The following COG5 variants were observed in gnomAD, a reference collection of about 807,000 sequenced individuals.
The protein encoded by COG5 is component of oligomeric golgi complex 5.
COG5 carries 86 observed loss-of-function variants against 110.4 expected under a neutral mutation model. The observed-to-expected ratio is 0.78, with a 90% CI of 0.65 to 0.93. COG5 has a LOEUF of 0.93. COG5 is among the 40% of genes least tolerant of loss of function. The pLI is 0.00. For missense variants in COG5, 1,077 were observed against 987.0 expected (o/e 1.09, Z -1.22); for synonymous variants, 360 against 334.6 (o/e 1.08, Z -0.83).
chr7:107,464,852 T>C (rs568262621), intron 6 of COG5, among the ~76,000 whole-genome samples: 35 of 152,288 alleles, frequency 2.3e-4, no homozygotes, highest in Non-Finnish European at 4.1e-4. Flanking sequence ...ACGGGTTTTT[T>C]CACAGCTGAA....
At chr7:107,552,243 C>T (rs797006752) in intron 3 of COG5, among the ~76,000 whole-genome samples, 14 of 152,268 alleles carry the variant, frequency 9.2e-5, no homozygotes, top group African/African-American at 3.4e-4. Flanking sequence ...TAAAATATTA[C>T]ATGCTCTCAA....
At chr7:107,485,133 G>C (rs1456350153) in intron 6 of COG5, among the ~76,000 whole-genome samples, 2 of 152,172 alleles carry the variant, frequency 1.3e-5, no homozygotes. Context: ...CAGAGAAATG[G>C]TTAAGTGCAG....
intron 17 of COG5, among the ~76,000 whole-genome samples, chr7:107,241,089 T>C (rs1041432576): frequency 6.6e-6 from 1 of 152,228 alleles, no homozygotes; most frequent in African/African-American, 2.4e-5. Context: ...AACACATCTA[T>C]TTGGGAACTA....
chr7:107,281,053 G>A (rs1011499661), intron 14 of COG5, among the ~76,000 whole-genome samples: 3 of 151,772 alleles, frequency 2.0e-5, no homozygotes, highest in South Asian at 2.1e-4. Flanking sequence ...TGGCACATGC[G>A]TTAAAAAAGG....
At chr7:107,486,248 G>A (rs1488731644) in intron 6 of COG5, among the ~76,000 whole-genome samples, 2 of 151,218 alleles carry the variant, frequency 1.3e-5, no homozygotes, top group South Asian at 2.1e-4. Flanking sequence ...CATAGTTTAC[G>A]CCCTCAATAT....
intron 10 of COG5, among the ~76,000 whole-genome samples, chr7:107,338,392 G>T (rs1003724598): frequency 6.6e-6 from 1 of 152,000 alleles, no homozygotes; most frequent in Non-Finnish European, 1.5e-5. Flanking sequence ...GCTACAAAAT[G>T]GGGAAAGAAT....
chr7:107,441,325 A>G (rs1794696563), intron 6 of COG5, among the ~76,000 whole-genome samples: 1 of 151,802 alleles, frequency 6.6e-6, no homozygotes, highest in Admixed American at 6.6e-5. Context: ...CTTAATCTAC[A>G]GCAGGTAGAT....
At chr7:107,353,651 A>G (rs1306530805) in intron 10 of COG5, among the ~76,000 whole-genome samples, 2 of 152,184 alleles carry the variant, frequency 1.3e-5, no homozygotes, top group Non-Finnish European at 2.9e-5. Context: ...CATTTAAACT[A>G]AAATACCACT....
intron 21 of COG5, chr7:107,208,241 G>A (rs998551372): frequency 1.7e-5 from 17 of 985,304 alleles, no homozygotes; most frequent in Non-Finnish European, 1.8e-5. Flanking sequence ...CATGTGTGGA[G>A]GGATGGATAT....
chr7:107,497,765 C>T (rs1209529367), intron 6 of COG5, among the ~76,000 whole-genome samples: 2 of 152,024 alleles, frequency 1.3e-5, no homozygotes, highest in Non-Finnish European at 2.9e-5. Flanking sequence ...ATCCCAATGT[C>T]ATTTTTTAGA....
At chr7:107,235,080 T>C (rs757247641) in intron 18 of COG5, among the ~76,000 whole-genome samples, 5 of 152,192 alleles carry the variant, frequency 3.3e-5, no homozygotes, top group African/African-American at 9.7e-5. Context: ...GGAATATTAT[T>C]TGGAGATGAA....
chr7:107,451,171 G>A (rs1166000020), intron 6 of COG5, among the ~76,000 whole-genome samples: 1 of 152,134 alleles, frequency 6.6e-6, no homozygotes, highest in African/African-American at 2.4e-5. Context: ...GGAGAAAACT[G>A]GATCCAGATG....
intron 7 of COG5, among the ~76,000 whole-genome samples, chr7:107,404,241 G>A (rs963867983): frequency 6.6e-6 from 1 of 152,036 alleles, no homozygotes; most frequent in Non-Finnish European, 1.5e-5. Context: ...CACTTTTGAG[G>A]AATCAAATTA....
intron 6 of COG5, among the ~76,000 whole-genome samples, chr7:107,466,552 T>C (rs1337520379): frequency 6.6e-6 from 1 of 152,214 alleles, no homozygotes; most frequent in Non-Finnish European, 1.5e-5. Flanking sequence ...TATTCAGTTA[T>C]TCTCATATAG....
chr7:107,294,718 T>C (rs1298916454), intron 12 of COG5, among the ~76,000 whole-genome samples: 229 of 136,378 alleles, frequency 1.7e-3, no homozygotes, highest in African/African-American at 5.7e-3. Flanking sequence ...TCTTTCTTTT[T>C]TTTTTTTTTT....
chr7:107,212,080 T>G (rs1052396873), intron 19 of COG5, among the ~76,000 whole-genome samples: 1 of 152,180 alleles, frequency 6.6e-6, no homozygotes, highest in Non-Finnish European at 1.5e-5. Flanking sequence ...CTGTACAAAA[T>G]AGAGAAGCGA....
Position 107,527,230 on chromosome 7 carries a change from A to C in COG5, c.538+7T>G. The C allele has an allele frequency of 6.5e-7, 1 of 1,539,408 alleles. No individual in the cohort carries two copies. The highest frequency in any genetic ancestry group is 8.7e-7 in the Non-Finnish European group (1 of 1,143,736). ...AACTTTTTATTTAAAAAAAAAAAAA[A>C]ACTTACCAAGTTCATTGAGACTCTG... On this transcript the variant is annotated splice_region_variant and intron_variant, in intron 6 of 21. Transcript: ENST00000297135.
chr7:107,313,371 A>G (rs566225073), intron 11 of COG5, among the ~76,000 whole-genome samples: 35 of 152,348 alleles, frequency 2.3e-4, no homozygotes, highest in Admixed American at 6.5e-4. Flanking sequence ...ACAATACCGA[A>G]TATTAACAAG....
chr7:107,417,603 T>C (rs1258552295), intron 6 of COG5, among the ~76,000 whole-genome samples: 2 of 152,176 alleles, frequency 1.3e-5, no homozygotes, highest in African/African-American at 4.8e-5. Flanking sequence ...ACACGTTAGC[T>C]TCTTGATACA....
Sources: allele counts gnomAD v4.1 joint callset (sites outside exome capture counted in the v4.1 genomes callset), GRCh38; gene constraint gnomAD v4.1.1; transcripts MANE v1.5; gene names NCBI Gene and HGNC (gene_info 2026-07-23, HGNC 2026-07-21).